Variants in COQ8A observed in about 807,000 individuals in gnomAD.
The protein encoded by COQ8A is coenzyme Q8A.
A neutral mutation model predicts 65.0 loss-of-function variants in COQ8A; 51 were observed. The ratio of observed to expected loss-of-function variants is 0.78; its 90% CI spans 0.63 to 0.99. The LOEUF (loss-of-function observed/expected upper bound fraction) is 0.99. Ranked by LOEUF, COQ8A falls within the 50% of genes least tolerant of loss-of-function variation. COQ8A has a pLI of 0.00. For synonymous variants in COQ8A, 371 were observed against 353.2 expected (o/e 1.05, Z -0.57); for missense variants, 940 against 875.0 (o/e 1.07, Z -0.94).
chr1:226,964,519 C>T (rs1172588171), intron 2 of COQ8A, among the ~76,000 whole-genome samples: 4 of 152,190 alleles, frequency 2.6e-5, no homozygotes, highest in African/African-American at 9.7e-5. Context: ...ACATGCATAC[C>T]CCGGCTGGTG....
intron 11 of COQ8A, 50 bp downstream of exon 11, chr1:226,984,285 G>T: frequency 6.2e-7 from 1 of 1,608,830 alleles, no homozygotes. Context: ...CTGCTGTGTG[G>T]CTGTTTGGTG....
rs747264500 is a variant in COQ8A at position 226,981,985 on chromosome 1, A to AC, written c.731-35dup. On this transcript the variant is annotated intron_variant, in intron 5 of 14. Coordinates refer to ENST00000366777, the MANE Select transcript of COQ8A (RefSeq NM_020247.5). ...GTGGGGCTTGCCATCCCACTCCCAG[A>AC]CCCCCCCGAGTGCCGTGGTGACCCC... 45 of 1,611,592 alleles carry AC rather than the reference A, an allele frequency of 2.8e-5. No individual in the cohort carries two copies. The East Asian group carries it at 4.0e-4, about 14-fold the overall frequency.
chr1:226,982,348 G>A, intron 6 of COQ8A, 199 bp downstream of exon 6: 1 of 814,348 alleles, frequency 1.2e-6, no homozygotes, highest in Non-Finnish European at 1.9e-6. Context: ...AAAGAGCAGA[G>A]AGGAAAAATT....
Position 226,976,079 on chromosome 1 carries a change from C to T in COQ8A, c.656-1370C>T, listed in dbSNP as rs549043433. 1.6e-3 allele frequency among the ~76,000 whole-genome samples: 244 copies of T among 149,974 alleles called. 1 individual carries two copies. The highest frequency in any genetic ancestry group is 5.8e-3 in the African/African-American group (232 of 39,914). ...GCCGGGCAGTGGGGCTGTGGCGCTG[C>T]GATGTTGTCTGACTGCGGGGCTGTG... is the stretch of plus-strand genomic sequence containing the variant. On this transcript the variant is annotated intron_variant, in intron 4 of 14. Transcript: ENST00000366777.
chr1:226,986,811 C>T lies in COQ8A; in HGVS notation c.*74C>T, dbSNP rs936531122. The T allele has an allele frequency of 1.5e-5, 23 of 1,537,762 alleles. No individual in the cohort carries two copies. The highest frequency in any genetic ancestry group is 1.1e-4 in the Admixed American group (6 of 53,020). On this transcript the variant is annotated 3_prime_UTR_variant, in exon 15 of 15. Coordinates refer to ENST00000366777, the MANE Select transcript of COQ8A (RefSeq NM_020247.5). Reference sequence around the variant, plus strand: ...ACAGGCCAAAAACCAGTAGCGAGGTCGTGGTGATGCTCTTTTTAACTCCTT... The same window carrying T: ...ACAGGCCAAAAACCAGTAGCGAGGTTGTGGTGATGCTCTTTTTAACTCCTT...
Position 226,984,193 on chromosome 1 carries a change from C to CCT in COQ8A, c.1357_1358dup (p.Asp454TrpfsTer24), listed in dbSNP as rs1240460826. On this transcript the variant is annotated frameshift_variant, in exon 11 of 15. Coordinates refer to ENST00000366777, the MANE Select transcript of COQ8A (RefSeq NM_020247.5). LOFTEE classifies it high-confidence loss of function. ...CCACAGAGCTGGTGTCTGGCTTCCC[C>CCT]CTGGACCAGGCCGAAGGGCTCAGCC... 1.2e-6 allele frequency: 2 copies of CCT among 1,613,840 alleles called. No homozygotes were observed. The highest frequency in any genetic ancestry group is 2.2e-5 in the South Asian group (2 of 91,080).
chr1:226,941,957 A>C (rs1572008049), intron 1 of COQ8A, among the ~76,000 whole-genome samples: 1 of 152,276 alleles, frequency 6.6e-6, no homozygotes, highest in East Asian at 1.9e-4. Context: ...AAAGTTTTTC[A>C]ACCTGTGGAC....
At chr1:226,962,642 G>C (rs899000291) in intron 2 of COQ8A, among the ~76,000 whole-genome samples, 3 of 152,234 alleles carry the variant, frequency 2.0e-5, no homozygotes, top group African/African-American at 7.2e-5. Context: ...CCTGCAGGCT[G>C]TGAGGCCGTC....
intron 5 of COQ8A, 141 bp from the exon 6 acceptor site, chr1:226,981,886 C>A: frequency 7.7e-7 from 1 of 1,292,912 alleles, no homozygotes; most frequent in Non-Finnish European, 1.1e-6. Context: ...GGACATGGAA[C>A]AGTAGTTAGT....
At position 226,949,011 on chromosome 1, in the gene COQ8A, C is replaced by T. The variant is rs1359930990; in HGVS notation, c.-10+8612C>T. 3.9e-5 allele frequency among the ~76,000 whole-genome samples: 6 copies of T among 151,932 alleles called. No individual in the cohort carries two copies. Among genetic ancestry groups the T allele is most frequent in the South Asian group, 2.1e-4 (1 of 4,808 alleles). Reference sequence around the variant, plus strand: ...GAGAGGAAACAGGTCAGAGATGGTTCGAGAATATGCCTGGAGCAGCCCAGC... The same window carrying T: ...GAGAGGAAACAGGTCAGAGATGGTTTGAGAATATGCCTGGAGCAGCCCAGC... On this transcript the variant is annotated intron_variant, in intron 1 of 14. Transcript: ENST00000366777. The surrounding 1 kb of genome is among the most constrained non-coding windows in gnomAD (Gnocchi z 4.0).
rs1660152335 is a variant in COQ8A at position 226,986,849 on chromosome 1, G to C, written c.*112G>C. 7.2e-7 allele frequency: 1 copy of C among 1,381,476 alleles called. No individual in the cohort carries two copies. Among genetic ancestry groups the C allele is most frequent in the Non-Finnish European group, 9.9e-7 (1 of 1,011,714 alleles). The allele number at this position is 1,381,476 out of a possible 1,614,324, so 85.6% of individuals were successfully genotyped here. A position where few individuals can be genotyped will look rare whatever the true frequency, so the allele number is the denominator to read the frequency against. On this transcript the variant is annotated 3_prime_UTR_variant, in exon 15 of 15. Coordinates refer to ENST00000366777, the MANE Select transcript of COQ8A (RefSeq NM_020247.5). ...TTTTTAACTCCTTTGCCCAATAAGG[G>C]GGGTGGCTGCCTGGAGCCCCGTAGC...
chr1:226,943,275 TAGAC>T (rs1656812658), intron 1 of COQ8A, among the ~76,000 whole-genome samples: 2 of 152,364 alleles, frequency 1.3e-5, no homozygotes, highest in South Asian at 4.1e-4. Flanking sequence ...TGTGCAAAAT[TAGAC>T]AGGAATATTT....
chr1:226,944,777 G>A (rs554050568), intron 1 of COQ8A, among the ~76,000 whole-genome samples: 3,554 of 116,730 alleles, frequency 0.03, 98 homozygotes, highest in South Asian at 0.046. Context: ...GAGAGAGAGA[G>A]TGAGAGAGAG....
intron 5 of COQ8A, 127 bp from the exon 6 acceptor site, chr1:226,981,900 G>C: frequency 7.0e-7 from 1 of 1,423,984 alleles, no homozygotes; most frequent in Non-Finnish European, 9.8e-7. Context: ...AGTTAGTTAT[G>C]TTGCTGGTTT....
At chr1:226,955,572 G>GGTTCACACTCCCTGGCTCTCACTCTCCCT (rs71179183) in intron 1 of COQ8A, among the ~76,000 whole-genome samples, 1 of 16,066 alleles carries the variant, frequency 6.2e-5, no homozygotes, top group Non-Finnish European at 1.2e-4. Flanking sequence ...CCCACTCCCT[G>GGTTCACACTCCCTGGCTCTCACTCTCCCT]GGTTCACACT....
intron 12 of COQ8A, 39 bp from the exon 13 acceptor site, chr1:226,984,837 G>A: frequency 2.5e-6 from 4 of 1,607,324 alleles, no homozygotes; most frequent in Non-Finnish European, 3.4e-6. Context: ...GCACCATGGA[G>A]CACCAGGGCC....
chr1:226,977,618 C>A, intron 5 of COQ8A, 95 bp downstream of exon 5: 2 of 1,374,508 alleles, frequency 1.5e-6, no homozygotes, highest in Non-Finnish European at 2.0e-6. Flanking sequence ...GAGTGTCAGC[C>A]AGCTGGGCCG....
At chr1:226,941,765 A>C (rs1656711198) in intron 1 of COQ8A, among the ~76,000 whole-genome samples, 1 of 147,284 alleles carries the variant, frequency 6.8e-6, no homozygotes, top group Admixed American at 6.8e-5. Context: ...ACAGAGCGAG[A>C]CTCAATCTCA....
At chr1:226,979,585 C>A (rs1016346544) in intron 5 of COQ8A, among the ~76,000 whole-genome samples, 2 of 152,196 alleles carry the variant, frequency 1.3e-5, no homozygotes, top group African/African-American at 2.4e-5. Context: ...CATGGGGACC[C>A]CCAGAGACAC....
Sources: gnomAD v4.1 joint callset for allele counts (sites outside exome capture counted in the v4.1 genomes callset) on GRCh38, gnomAD v4.1.1 for gene constraint, Gnocchi (gnomAD v3.1) non-coding constraint, MANE v1.5 for transcripts, NCBI Gene and HGNC (gene_info 2026-07-23, HGNC 2026-07-21) for gene names.